Variants in EOGT observed in about 807,000 individuals in gnomAD.
EOGT encodes the protein EGF domain-specific O-linked N-acetylglucosamine transferase.
Under a neutral mutation model 70.5 loss-of-function variants are expected in EOGT, and 55 were observed. The ratio of observed to expected loss-of-function variants is 0.78; its 90% CI spans 0.63 to 0.98. The LOEUF (loss-of-function observed/expected upper bound fraction) is 0.98, where lower values mean the gene tolerates loss of function less well. Among genes scored for constraint, EOGT ranks in the 50% least tolerant of loss-of-function variants. EOGT has a pLI of 0.00. For missense variants in EOGT, 703 were observed against 641.9 expected (o/e 1.10, Z -1.03); for synonymous variants, 246 against 217.1 (o/e 1.13, Z -1.17).
intron 5 of EOGT, 72 bp from the exon 6 acceptor site, chr3:69,007,893 G>A: frequency 9.5e-7 from 1 of 1,049,110 alleles, no homozygotes; most frequent in Non-Finnish European, 1.4e-6. Context: ...CATTCTAAAG[G>A]TTAAAATGCT....
chr3:68,989,798 T>C (rs2090932538), intron 10 of EOGT, among the ~76,000 whole-genome samples: 1 of 148,458 alleles, frequency 6.7e-6, no homozygotes, highest in Non-Finnish European at 1.5e-5. Flanking sequence ...AAATATAGGC[T>C]GGTCACAGTG....
In EOGT at chr3:69,007,781, G is replaced by A; in HGVS notation, c.352C>T (p.Gln118Ter). The A allele has an allele frequency of 5.6e-6, 9 of 1,613,018 alleles. No homozygotes were observed. Among genetic ancestry groups the A allele is most frequent in the Non-Finnish European group, 6.8e-6 (8 of 1,179,350 alleles). Residue 118 changes from glutamine to a stop codon, truncating the protein, a stop_gained, in exon 6 of 18, where the codon CAA becomes TAA. Transcript: ENST00000383701. LOFTEE classifies it high-confidence loss of function. ...TCTCTGGCATATCCAAAGTCAGCTT[G>A]TTTCCAAAATATGTCCTCAGCTGAC... ...LESAEDIFWK[Q>*]ADFGYARERL...
intron 10 of EOGT, among the ~76,000 whole-genome samples, chr3:68,992,524 G>A (rs2091022655): frequency 6.6e-6 from 1 of 152,176 alleles, no homozygotes; most frequent in African/African-American, 2.4e-5. Flanking sequence ...GCAGGGTACA[G>A]CCTCCCTTCT....
intron 14 of EOGT, among the ~76,000 whole-genome samples, chr3:68,986,035 C>A (rs1031029191): frequency 6.6e-5 from 10 of 152,180 alleles, no homozygotes; most frequent in Non-Finnish European, 4.4e-5. Context: ...TGGCATCTCT[C>A]TGGCCCCACT....
intron 4 of EOGT, among the ~76,000 whole-genome samples, chr3:69,009,408 C>T (rs898652075): frequency 7.9e-5 from 12 of 152,114 alleles, no homozygotes; most frequent in African/African-American, 2.4e-4. Flanking sequence ...ATAGTATTGG[C>T]TACTTATTTG....
At position 68,977,931 on chromosome 3, in the gene EOGT, T is replaced by TGAC. The variant is rs1458896255; in HGVS notation, c.1438-170_1438-168dup. Among the ~76,000 whole-genome samples, 5 of 152,374 alleles carry TGAC rather than the reference T, an allele frequency of 3.3e-5. No homozygotes were observed. The South Asian group carries it at 6.2e-4, about 19-fold the overall frequency. On this transcript the variant is annotated intron_variant, in intron 17 of 17. Coordinates refer to ENST00000383701, the MANE Select transcript of EOGT (RefSeq NM_001278689.2). The stretch of plus-strand genomic sequence containing the variant: ...AGATGATAAATATTTTCAGCTCTGC[T>TGAC]GACTCTAAGGTCTCAGTCACAGTTA...
intron 15 of EOGT, 102 bp from the exon 16 acceptor site, chr3:68,979,889 G>T: frequency 8.5e-7 from 1 of 1,172,268 alleles, no homozygotes. Context: ...AAAGTGTATT[G>T]CCCATTTTAA....
chr3:68,992,710 C>T (rs981746752), intron 10 of EOGT, among the ~76,000 whole-genome samples: 1 of 152,242 alleles, frequency 6.6e-6, no homozygotes, highest in African/African-American at 2.4e-5. Context: ...ATTTCCCTTC[C>T]ACACTGCCTT....
intron 6 of EOGT, among the ~76,000 whole-genome samples, 199 bp downstream of exon 6, chr3:69,007,514 G>T (rs867133184): frequency 9.9e-6 from 1 of 101,442 alleles, no homozygotes; most frequent in Non-Finnish European, 2.1e-5. Context: ...TAGCGGGGGG[G>T]GGTGGCACGC....
At chr3:68,983,931 C>A (rs1194941718) in intron 14 of EOGT, among the ~76,000 whole-genome samples, 1 of 152,126 alleles carries the variant, frequency 6.6e-6, no homozygotes, top group Non-Finnish European at 1.5e-5. Context: ...CCACTGCACT[C>A]CAGCCTGGGC....
intron 10 of EOGT, among the ~76,000 whole-genome samples, chr3:68,992,676 T>A (rs971280185): frequency 6.6e-6 from 1 of 152,192 alleles, no homozygotes; most frequent in Non-Finnish European, 1.5e-5. Context: ...CACTAAGGAC[T>A]CTGTTTGGGG....
At chr3:68,981,598 G>A (rs1413594762) in intron 15 of EOGT, among the ~76,000 whole-genome samples, 1 of 152,170 alleles carries the variant, frequency 6.6e-6, no homozygotes, top group Non-Finnish European at 1.5e-5. Flanking sequence ...CCAGGAAGAT[G>A]TAATTCTAGC....
intron 16 of EOGT, 111 bp downstream of exon 16, chr3:68,979,557 C>G (rs1463805153): frequency 1.6e-6 from 2 of 1,216,944 alleles, no homozygotes; most frequent in African/African-American, 3.1e-5. Flanking sequence ...GATGTGACTT[C>G]TCTTTTTGAA....
intron 10 of EOGT, among the ~76,000 whole-genome samples, chr3:68,991,659 A>G (rs1052051864): frequency 6.6e-6 from 1 of 152,220 alleles, no homozygotes; most frequent in African/African-American, 2.4e-5. Flanking sequence ...ATAAGAATAT[A>G]AACATATTGG....
Position 68,975,869 on chromosome 3 carries a change from G to T in EOGT, c.*1749C>A, listed in dbSNP as rs1311947149. ...TAAAGGTCCAGATATTTTGTTTTGT[G>T]TGTCATTTTTCTGATGGATATTTTT... On this transcript the variant is annotated 3_prime_UTR_variant, in exon 18 of 18. Transcript: ENST00000383701. The T allele has an allele frequency of 2.0e-5, 3 of 152,106 alleles. No homozygotes were observed. Among genetic ancestry groups the T allele is most frequent in the Non-Finnish European group, 4.4e-5 (3 of 68,012 alleles). The allele number at this position is 152,106 out of a possible 1,614,324, so 9.4% of individuals were successfully genotyped here.
At chr3:69,000,379 C>T (rs1225519193) in intron 9 of EOGT, among the ~76,000 whole-genome samples, 2 of 152,194 alleles carry the variant, frequency 1.3e-5, no homozygotes, top group African/African-American at 4.8e-5. Flanking sequence ...TAATAGCTCA[C>T]ACATATTTGC....
intron 6 of EOGT, 78 bp downstream of exon 6, chr3:69,007,635 G>A: frequency 1.1e-6 from 1 of 952,064 alleles, no homozygotes; most frequent in East Asian, 3.0e-5. Context: ...CAGGGCAATA[G>A]ACAGAAACTC....
intron 14 of EOGT, among the ~76,000 whole-genome samples, chr3:68,984,221 T>TCA (rs1491447115): frequency 5.6e-5 from 8 of 141,974 alleles, no homozygotes; most frequent in African/African-American, 2.1e-4. Context: ...TCTCTCTCTC[T>TCA]CACACTCACA....
In EOGT at chr3:68,977,749, G is replaced by C; in HGVS notation, c.1453C>G (p.Leu485Val). The C allele has an allele frequency of 6.2e-7, 1 of 1,612,552 alleles. No homozygotes were observed. Among genetic ancestry groups the C allele is most frequent in the Non-Finnish European group, 8.5e-7 (1 of 1,179,422 alleles). Residue 485 changes from leucine (L) to valine (V), a missense_variant, in exon 18 of 18, where the codon CTG becomes GTG. Coordinates refer to ENST00000383701, the MANE Select transcript of EOGT (RefSeq NM_001278689.2). ...TTGGTGAACTTCGGGTGCTCCCCCA[G>C]GGTTGGATGGTGGCCCTGTGAAAAT... is the stretch of plus-strand genomic sequence containing the variant. The part of the protein sequence containing the change: ...FPQDKGHHPT[L>V]GEHPKFTNYS...
Sources: gnomAD v4.1 joint callset for allele counts (sites outside exome capture counted in the v4.1 genomes callset) on GRCh38, gnomAD v4.1.1 for gene constraint, MANE v1.5 for transcripts, NCBI Gene and HGNC (gene_info 2026-07-23, HGNC 2026-07-21) for gene names.